THSD7A: variants seen among roughly 807,000 people sequenced by gnomAD.
THSD7A encodes thrombospondin type 1 domain containing 7A.
A neutral mutation model predicts 231.3 loss-of-function variants in THSD7A; 96 were observed. The ratio of observed to expected loss-of-function variants is 0.41; its 90% CI spans 0.35 to 0.49. The LOEUF (loss-of-function observed/expected upper bound fraction) is 0.49, where lower values mean the gene tolerates loss of function less well. Among genes scored for constraint, THSD7A ranks in the 20% least tolerant of loss-of-function variants. THSD7A has a pLI of 0.05. For missense variants in THSD7A, 2,290 were observed against 2,070.2 expected (o/e 1.11, Z -2.06); for synonymous variants, 940 against 743.3 (o/e 1.26, Z -4.30).
At chr7:11,738,941 C>A (rs1042036970) in intron 1 of THSD7A, among the ~76,000 whole-genome samples, 6 of 151,962 alleles carry the variant, frequency 3.9e-5, no homozygotes, top group Non-Finnish European at 7.4e-5. Flanking sequence ...CCACTAAATT[C>A]ATGTTAATTT....
intron 6 of THSD7A, among the ~76,000 whole-genome samples, chr7:11,493,044 A>G (rs1277623245): frequency 6.6e-6 from 1 of 152,102 alleles, no homozygotes; most frequent in African/African-American, 2.4e-5. Flanking sequence ...CTCCCAGCCC[A>G]TTTCATCAAC....
At chr7:11,638,702 T>C (rs1348727816) in intron 1 of THSD7A, among the ~76,000 whole-genome samples, 2 of 152,120 alleles carry the variant, frequency 1.3e-5, no homozygotes, top group African/African-American at 4.8e-5. Flanking sequence ...AACATTCTTA[T>C]AAGGGATATA....
chr7:11,379,052 C>G lies in THSD7A; in HGVS notation c.4801+18G>C, dbSNP rs1279822115. The G allele has an allele frequency of 2.5e-6, 4 of 1,611,560 alleles. No homozygotes were observed. In the South Asian group the frequency reaches 4.4e-5, roughly 18 times the overall value. The stretch of plus-strand genomic sequence containing the variant: ...AGAACTAAAGGTTTCTCTTTCAACA[C>G]TAGTCTAGTCAGTTCACCTGGCCCA... On this transcript the variant is annotated intron_variant, in intron 26 of 27. Coordinates refer to ENST00000423059, the MANE Select transcript of THSD7A (RefSeq NM_015204.3).
intron 6 of THSD7A, among the ~76,000 whole-genome samples, chr7:11,529,861 T>C (rs976584339): frequency 6.6e-6 from 1 of 152,178 alleles, no homozygotes; most frequent in Non-Finnish European, 1.5e-5. Context: ...GCTAACTTTC[T>C]CTCTATTGAA....
chr7:11,372,826 T>C lies in THSD7A; in HGVS notation c.*2968A>G, dbSNP rs1583622249. On this transcript the variant is annotated 3_prime_UTR_variant, in exon 28 of 28. Transcript: ENST00000423059. Reference sequence around the variant, plus strand: ...GTTTTGATGAAATTCCAATAAAATATTTAACTCATTATTGTCTCATGTCAG... The same window carrying C: ...GTTTTGATGAAATTCCAATAAAATACTTAACTCATTATTGTCTCATGTCAG... 6.6e-6 allele frequency: 1 copy of C among 152,060 alleles called. No individual in the cohort carries two copies. The highest frequency in any genetic ancestry group is 1.9e-4 in the East Asian group (1 of 5,190). 9.4% of individuals were successfully genotyped at this position (152,060 alleles called of 1,614,324 possible). A position where few individuals can be genotyped will look rare whatever the true frequency, so the allele number is the denominator to read the frequency against.
At chr7:11,737,374 C>T (rs907575119) in intron 1 of THSD7A, among the ~76,000 whole-genome samples, 3 of 151,848 alleles carry the variant, frequency 2.0e-5, no homozygotes, top group Non-Finnish European at 4.4e-5. Flanking sequence ...AGGCTCTTAG[C>T]CAGGCTTGAT....
Position 11,496,524 on chromosome 7 carries a change from G to A in THSD7A, c.1823-14542C>T, listed in dbSNP as rs117400782. 3.5e-3 allele frequency among the ~76,000 whole-genome samples: 526 copies of A among 152,228 alleles called. 1 individual carries two copies. Among genetic ancestry groups the A allele is most frequent in the Non-Finnish European group, 6.2e-3 (424 of 67,996 alleles). ...CCTGGGGTTTAGGGCTGAGACATCC[G>A]TAATTTTTTTCATGTATGAGGCCAA... On this transcript the variant is annotated intron_variant, in intron 6 of 27. Coordinates refer to ENST00000423059, the MANE Select transcript of THSD7A (RefSeq NM_015204.3).
At chr7:11,818,796 T>A (rs915957681) in intron 1 of THSD7A, among the ~76,000 whole-genome samples, 3 of 152,208 alleles carry the variant, frequency 2.0e-5, no homozygotes, top group African/African-American at 7.2e-5. Flanking sequence ...ATATCATTCA[T>A]CACGCCCAGG....
chr7:11,518,215 G>A (rs1189073962), intron 6 of THSD7A, among the ~76,000 whole-genome samples: 1 of 152,136 alleles, frequency 6.6e-6, no homozygotes, highest in African/African-American at 2.4e-5. Context: ...GGAGACACAG[G>A]CATGTACACA....
At chr7:11,393,547 G>A (rs12699187) in intron 23 of THSD7A, among the ~76,000 whole-genome samples, 30,435 of 152,038 alleles carry the variant, frequency 0.2, 3,164 homozygotes, top group Admixed American at 0.25. Flanking sequence ...CAGAAGGTGA[G>A]TAATAACAAA....
intron 2 of THSD7A, among the ~76,000 whole-genome samples, chr7:11,613,729 A>G (rs1310305806): frequency 6.6e-6 from 1 of 152,146 alleles, no homozygotes; most frequent in Admixed American, 6.6e-5. Flanking sequence ...ACAGCGCCAC[A>G]CTCTGGGTGA....
intron 1 of THSD7A, among the ~76,000 whole-genome samples, chr7:11,827,843 G>A (rs952474771): frequency 3.3e-5 from 5 of 152,076 alleles, no homozygotes; most frequent in Admixed American, 3.3e-4. Context: ...ACAACACTAA[G>A]CAATCTGTTC....
At position 11,370,938 on chromosome 7, in the gene THSD7A, T is replaced by C. The variant is rs1209867906; in HGVS notation, c.*4856A>G. 1 of 152,142 alleles carries C rather than the reference T, an allele frequency of 6.6e-6. No individual in the cohort carries two copies. The highest frequency in any genetic ancestry group is 1.5e-5 in the Non-Finnish European group (1 of 68,022). The allele number at this position is 152,142 out of a possible 1,614,324, so 9.4% of individuals were successfully genotyped here. A position where few individuals can be genotyped will look rare whatever the true frequency, so the allele number is the denominator to read the frequency against. On this transcript the variant is annotated 3_prime_UTR_variant, in exon 28 of 28. Coordinates refer to ENST00000423059, the MANE Select transcript of THSD7A (RefSeq NM_015204.3). ...GATTTCTGAAAAATAGGGAAAAGTT[T>C]ACTTGAGGGTTAAAAGTAGGTAATC...
intron 14 of THSD7A, among the ~76,000 whole-genome samples, chr7:11,427,402 G>A (rs141945487): frequency 1.3e-5 from 2 of 152,182 alleles, no homozygotes; most frequent in African/African-American, 4.8e-5. Context: ...TCAGTCAACC[G>A]ATACCAAGTC....
At chr7:11,420,715 TG>T (rs1334568969) in intron 16 of THSD7A, among the ~76,000 whole-genome samples, 1 of 152,192 alleles carries the variant, frequency 6.6e-6, no homozygotes, top group Non-Finnish European at 1.5e-5. Context: ...CAGCTTGCAC[TG>T]TGCACCTGGA....
rs565657889 is a variant in THSD7A at position 11,371,038 on chromosome 7, G to T, written c.*4756C>A. The T allele has an allele frequency of 6.6e-6, 1 of 152,104 alleles. No individual in the cohort carries two copies. The highest frequency in any genetic ancestry group is 2.4e-5 in the African/African-American group (1 of 41,406). 9.4% of individuals were successfully genotyped at this position (152,104 alleles called of 1,614,324 possible). A position where few individuals can be genotyped will look rare whatever the true frequency, so the allele number is the denominator to read the frequency against. On this transcript the variant is annotated 3_prime_UTR_variant, in exon 28 of 28. Transcript: ENST00000423059. ...ACAATTATATTCTAAATAATATAGA[G>T]ATTTTTGATCACTGAAAACATGACT...
intron 15 of THSD7A, among the ~76,000 whole-genome samples, chr7:11,426,035 G>A (rs957601542): frequency 3.4e-5 from 5 of 148,636 alleles, no homozygotes; most frequent in Admixed American, 6.8e-5. Context: ...ATGTGCACAT[G>A]TACCCTAAAA....
chr7:11,568,427 C>T (rs1360540170), intron 4 of THSD7A, among the ~76,000 whole-genome samples: 1 of 151,804 alleles, frequency 6.6e-6, no homozygotes, highest in Non-Finnish European at 1.5e-5. Context: ...AGATCGAGAC[C>T]ATCCTGGCTA....
At chr7:11,809,741 G>A (rs746338433) in intron 1 of THSD7A, among the ~76,000 whole-genome samples, 10 of 152,040 alleles carry the variant, frequency 6.6e-5, no homozygotes, top group South Asian at 2.1e-4. Context: ...TAGGCCTAAC[G>A]TATATACTAA....
Sources: allele counts gnomAD v4.1 joint callset (sites outside exome capture counted in the v4.1 genomes callset), GRCh38; gene constraint gnomAD v4.1.1; transcripts MANE v1.5; gene names NCBI Gene and HGNC (gene_info 2026-07-23, HGNC 2026-07-21).